Variants in C9orf153 observed in about 807,000 individuals in gnomAD.
C9orf153 encodes uncharacterized protein C9orf153.
Under a neutral mutation model 9.0 loss-of-function variants are expected in C9orf153, and 10 were observed. The observed-to-expected ratio is 1.11, with a 90% confidence interval of 0.69 to 1.89. The LOEUF is 1.89. C9orf153 is among the 40% of genes most tolerant of loss of function. The probability of loss-of-function intolerance (pLI) is 0.00; values close to 1 mark genes in which losing one functional copy is unlikely to be tolerated. For synonymous variants in C9orf153, 35 were observed against 37.3 expected (o/e 0.94, Z 0.23); for missense variants, 108 against 111.0 (o/e 0.97, Z 0.12).
At chr9:86,245,641 G>C (rs1824848259) in intron 1 of C9orf153, among the ~76,000 whole-genome samples, 1 of 152,142 alleles carries the variant, frequency 6.6e-6, no homozygotes, top group Non-Finnish European at 1.5e-5. Context: ...CGATTGAGTA[G>C]CTTCTACCTC....
chr9:86,239,013 C>G (rs1370023997), intron 1 of C9orf153, among the ~76,000 whole-genome samples: 2 of 150,438 alleles, frequency 1.3e-5, no homozygotes, highest in Admixed American at 6.6e-5. Flanking sequence ...TGTAATCCCA[C>G]CACTTTGGGA....
intron 1 of C9orf153, among the ~76,000 whole-genome samples, chr9:86,246,481 T>C (rs1824865896): frequency 6.6e-6 from 1 of 152,094 alleles, no homozygotes; most frequent in East Asian, 1.9e-4. Context: ...CTATATAAAG[T>C]CATGATTACT....
intron 1 of C9orf153, among the ~76,000 whole-genome samples, chr9:86,239,630 C>T (rs1398050046): frequency 7.2e-5 from 11 of 152,150 alleles, no homozygotes; most frequent in African/African-American, 2.4e-4. Flanking sequence ...AGAGGGGTAA[C>T]TGGAAGTGAG....
intron 1 of C9orf153, among the ~76,000 whole-genome samples, chr9:86,234,381 A>C (rs1326616973): frequency 3.3e-5 from 5 of 152,248 alleles, no homozygotes; most frequent in Non-Finnish European, 7.3e-5. Context: ...AGGAAATGAA[A>C]TAAAGGCTAA....
At chr9:86,229,895 TG>T (rs1245721787) in intron 1 of C9orf153, among the ~76,000 whole-genome samples, 2 of 151,888 alleles carry the variant, frequency 1.3e-5, no homozygotes, top group Non-Finnish European at 2.9e-5. Flanking sequence ...TTACAATTAT[TG>T]GGGGAAGGCA....
chr9:86,247,547 T>C (rs2131200739), intron 1 of C9orf153, among the ~76,000 whole-genome samples: 1 of 152,118 alleles, frequency 6.6e-6, no homozygotes, highest in Non-Finnish European at 1.5e-5. Flanking sequence ...CCAGGCATAG[T>C]GGTGCACCTA....
chr9:86,242,560 A>G (rs909918347), intron 1 of C9orf153, among the ~76,000 whole-genome samples: 1 of 152,248 alleles, frequency 6.6e-6, no homozygotes, highest in African/African-American at 2.4e-5. Flanking sequence ...ATTGTACAGT[A>G]TGAGTCCACC....
intron 1 of C9orf153, among the ~76,000 whole-genome samples, chr9:86,241,159 A>G (rs569297174): frequency 6.6e-6 from 1 of 152,062 alleles, no homozygotes; most frequent in South Asian, 2.1e-4. Context: ...AAGTCCACCA[A>G]CTCACCTAGT....
chr9:86,247,908 T>C (rs1587808705), intron 1 of C9orf153, among the ~76,000 whole-genome samples: 1 of 152,252 alleles, frequency 6.6e-6, no homozygotes, highest in South Asian at 2.1e-4. Context: ...GGTCTGGGGA[T>C]CATTGGTCAT....
chr9:86,235,527 C>A (rs557746038), intron 1 of C9orf153, among the ~76,000 whole-genome samples: 2 of 150,672 alleles, frequency 1.3e-5, no homozygotes, highest in East Asian at 3.9e-4. Context: ...GAGGCCGAGG[C>A]GGGTGGATCA....
At chr9:86,249,808 C>T (rs1824956015) in intron 1 of C9orf153, among the ~76,000 whole-genome samples, 2 of 152,148 alleles carry the variant, frequency 1.3e-5, no homozygotes, top group Admixed American at 1.3e-4. Context: ...CAGCTTCCCA[C>T]AGTGCTGGGA....
chr9:86,242,401 G>C (rs563056911), intron 1 of C9orf153, among the ~76,000 whole-genome samples: 1 of 152,174 alleles, frequency 6.6e-6, no homozygotes, highest in African/African-American at 2.4e-5. Context: ...TGTGCAGCAG[G>C]CTGAGCTGAG....
In C9orf153 at chr9:86,220,720, G is replaced by T. The variant is rs1413877569; in HGVS notation, c.*968C>A. 1.3e-5 allele frequency: 2 copies of T among 152,092 alleles called. No homozygotes were observed. The highest frequency in any genetic ancestry group is 2.4e-5 in the African/African-American group (1 of 41,432). The allele number at this position is 152,092 out of a possible 1,614,324, so 9.4% of individuals were successfully genotyped here. ...TTGCTAATCAGTCTGAGATTTTTCA[G>T]TTCAAGGTCTCATGTGTTTCTTGAG... is the stretch of plus-strand genomic sequence containing the variant. On this transcript the variant is annotated 3_prime_UTR_variant, in exon 4 of 4. Transcript: ENST00000339137.
intron 1 of C9orf153, among the ~76,000 whole-genome samples, chr9:86,257,443 T>A (rs1190886203): frequency 6.6e-6 from 1 of 152,184 alleles, no homozygotes; most frequent in African/African-American, 2.4e-5. Context: ...GGAGGCTCCA[T>A]CAAGCCAAAC....
intron 1 of C9orf153, among the ~76,000 whole-genome samples, chr9:86,251,694 G>A (rs1367481741): frequency 6.6e-6 from 1 of 151,786 alleles, no homozygotes; most frequent in Non-Finnish European, 1.5e-5. Flanking sequence ...GAGAAAGAAA[G>A]AATAAAAAAA....
At chr9:86,253,522 T>C (rs1409400844) in intron 1 of C9orf153, among the ~76,000 whole-genome samples, 1 of 152,192 alleles carries the variant, frequency 6.6e-6, no homozygotes, top group Non-Finnish European at 1.5e-5. Context: ...AAATTCTTTA[T>C]GAAAAAGCCC....
At chr9:86,237,565 G>A (rs1483083764) in intron 1 of C9orf153, among the ~76,000 whole-genome samples, 1 of 152,076 alleles carries the variant, frequency 6.6e-6, no homozygotes, top group South Asian at 2.1e-4. Flanking sequence ...CTACATGTGC[G>A]TGCCACTGTA....
rs961927389 is a variant in C9orf153 at position 86,229,462 on chromosome 9, C to G, written c.66+76G>C. 10 of 1,035,876 alleles carry G rather than the reference C, an allele frequency of 9.7e-6. No individual in the cohort carries two copies. In the African/African-American group the frequency reaches 1.4e-4, roughly 15 times the overall value. The allele number at this position is 1,035,876 out of a possible 1,614,324, so 64.2% of individuals were successfully genotyped here. Reference sequence around the variant, plus strand: ...GCTCCCAAGTGTGTCACTGTGCGTTCAATAGTTTGAATGTTTATGATTCTT... The same window carrying G: ...GCTCCCAAGTGTGTCACTGTGCGTTGAATAGTTTGAATGTTTATGATTCTT... On this transcript the variant is annotated intron_variant, in intron 2 of 3. Coordinates refer to ENST00000339137, the MANE Select transcript of C9orf153 (RefSeq NM_001276366.4).
At chr9:86,238,321 A>G (rs73486921) in intron 1 of C9orf153, among the ~76,000 whole-genome samples, 9,625 of 152,200 alleles carry the variant, frequency 0.063, 1,074 homozygotes, top group African/African-American at 0.22. Flanking sequence ...TTCATCCAGC[A>G]ATGGCAGATT....
Sources: allele counts gnomAD v4.1 joint callset (sites outside exome capture counted in the v4.1 genomes callset), GRCh38; gene constraint gnomAD v4.1.1; transcripts MANE v1.5; gene names NCBI Gene and HGNC (gene_info 2026-07-23, HGNC 2026-07-21).